The following MAGI1 variants were observed in gnomAD, a reference collection of about 807,000 sequenced individuals.
MAGI1 encodes membrane-associated guanylate kinase, WW and PDZ domain-containing protein 1.
MAGI1 carries 58 observed loss-of-function variants against 139.9 expected under a neutral mutation model. The observed-to-expected ratio is 0.41, with a 90% CI of 0.34 to 0.52. The LOEUF (loss-of-function observed/expected upper bound fraction) is 0.52. Among genes scored for constraint, MAGI1 ranks in the 20% least tolerant of loss-of-function variants. The pLI, the probability that MAGI1 is intolerant of heterozygous loss-of-function variation, is 0.12. For synonymous variants in MAGI1, 812 were observed against 737.9 expected (o/e 1.10, Z -1.63); for missense variants, 1,874 against 1,901.6 (o/e 0.99, Z 0.27).
rs577946212 is a variant in MAGI1 at position 65,504,380 on chromosome 3, C to T, written c.431-10749G>A. On this transcript the variant is annotated intron_variant, in intron 2 of 22. Coordinates refer to ENST00000402939, the MANE Select transcript of MAGI1 (RefSeq NM_001033057.2). ...TTTATATGCATTATCTCATTTAATC[C>T]TTGCAACAACACTATAAAGTAGTTA... Among the ~76,000 whole-genome samples, 4 of 152,262 alleles carry T rather than the reference C, an allele frequency of 2.6e-5. No individual in the cohort carries two copies. The East Asian group carries it at 7.7e-4, about 29-fold the overall frequency.
chr3:65,401,154 A>G (rs928364792), intron 13 of MAGI1, among the ~76,000 whole-genome samples: 2 of 152,128 alleles, frequency 1.3e-5, no homozygotes, highest in Non-Finnish European at 2.9e-5. Context: ...CATCCCTTTG[A>G]AGGAGAGTGT....
At chr3:65,735,781 A>G (rs1028054131) in intron 1 of MAGI1, among the ~76,000 whole-genome samples, 4 of 152,188 alleles carry the variant, frequency 2.6e-5, no homozygotes, top group African/African-American at 9.7e-5. Flanking sequence ...AACAAAAAAA[A>G]TTTGACTTGC....
At chr3:65,580,924 C>A (rs1393971997) in intron 2 of MAGI1, among the ~76,000 whole-genome samples, 1 of 152,120 alleles carries the variant, frequency 6.6e-6, no homozygotes, top group African/African-American at 2.4e-5. Context: ...AAACAATTAT[C>A]TTCCCCTTCA....
intron 2 of MAGI1, among the ~76,000 whole-genome samples, chr3:65,585,885 A>G (rs2081649120): frequency 6.6e-6 from 1 of 152,146 alleles, no homozygotes; most frequent in Non-Finnish European, 1.5e-5. Context: ...ATAATATGCA[A>G]CAATACAAAG....
intron 1 of MAGI1, among the ~76,000 whole-genome samples, chr3:65,989,206 T>C (rs1250607546): frequency 1.3e-5 from 2 of 152,222 alleles, no homozygotes; most frequent in Admixed American, 1.3e-4. Context: ...TAAGAGGATT[T>C]ATATAGAAAT....
chr3:65,956,008 G>T lies in MAGI1; in HGVS notation c.313+81988C>A, dbSNP rs61416883. 3.1e-3 allele frequency among the ~76,000 whole-genome samples: 465 copies of T among 152,184 alleles called. 1 individual carries two copies. Among genetic ancestry groups the T allele is most frequent in the African/African-American group, 0.011 (446 of 41,538 alleles). On this transcript the variant is annotated intron_variant, in intron 1 of 22. Coordinates refer to ENST00000402939, the MANE Select transcript of MAGI1 (RefSeq NM_001033057.2). ...AATCCAGGGCAGCCCTGGGCCGAAG[G>T]AGTGTTTATGGTTCTGCCCGGCCAT... is the stretch of plus-strand genomic sequence containing the variant.
intron 1 of MAGI1, among the ~76,000 whole-genome samples, chr3:65,682,463 A>G (rs1163764616): frequency 2.0e-5 from 3 of 152,214 alleles, no homozygotes; most frequent in Non-Finnish European, 2.9e-5. Context: ...TCAGCAAAGT[A>G]AGGATATAAT....
At chr3:65,942,663 T>C (rs1478621328) in intron 1 of MAGI1, among the ~76,000 whole-genome samples, 1 of 152,226 alleles carries the variant, frequency 6.6e-6, no homozygotes, top group Non-Finnish European at 1.5e-5. Flanking sequence ...TAAAGGCAGA[T>C]AATAGCACCT....
At chr3:65,885,147 C>T (rs2060481565) in intron 1 of MAGI1, among the ~76,000 whole-genome samples, 1 of 151,954 alleles carries the variant, frequency 6.6e-6, no homozygotes, top group African/African-American at 2.4e-5. Context: ...ATCTGTAATC[C>T]CAACAATTTG....
At chr3:66,031,878 ATCC>A (rs1374940995) in intron 1 of MAGI1, among the ~76,000 whole-genome samples, 1 of 152,170 alleles carries the variant, frequency 6.6e-6, no homozygotes, top group East Asian at 1.9e-4. Context: ...AACAAAAAAA[ATCC>A]TCATCATCCT....
chr3:65,631,579 CA>C (rs780634744), intron 1 of MAGI1, among the ~76,000 whole-genome samples: 8 of 147,812 alleles, frequency 5.4e-5, no homozygotes, highest in Non-Finnish European at 7.4e-5. Flanking sequence ...GATATTGAAA[CA>C]AAAAGCACAA....
At chr3:65,811,750 A>G (rs372705389) in intron 1 of MAGI1, among the ~76,000 whole-genome samples, 21 of 152,146 alleles carry the variant, frequency 1.4e-4, no homozygotes, top group East Asian at 5.8e-4. Context: ...ATAAACTTTC[A>G]GGTCCATTCC....
chr3:65,722,971 T>TAAA lies in MAGI1; in HGVS notation c.314-100886_314-100884dup, dbSNP rs151181033. Among the ~76,000 whole-genome samples the TAAA allele has an allele frequency of 4.1e-3, 556 of 135,130 alleles. 5 individuals carry two copies. The highest frequency in any genetic ancestry group is 0.014 in the African/African-American group (508 of 37,308). The allele number at this position is 135,130 out of a possible 152,430, so 88.7% of individuals were successfully genotyped here. A position where few individuals can be genotyped will look rare whatever the true frequency, so the allele number is the denominator to read the frequency against. ...TACAAGATGTAGATATCTGTTGTAGTAAAAAAAAAAAAAAGTCACAAATGA... is the reference window on the plus strand; with the variant it reads ...TACAAGATGTAGATATCTGTTGTAGTAAAAAAAAAAAAAAAAAGTCACAAATGA... On this transcript the variant is annotated intron_variant, in intron 1 of 22. Transcript: ENST00000402939.
chr3:65,806,116 T>G (rs1323672358), intron 1 of MAGI1, among the ~76,000 whole-genome samples: 1 of 152,262 alleles, frequency 6.6e-6, no homozygotes, highest in South Asian at 2.1e-4. Context: ...AGAAATTTTT[T>G]AAAAATTAAA....
At chr3:65,398,195 T>C (rs965285716) in intron 13 of MAGI1, among the ~76,000 whole-genome samples, 1 of 152,122 alleles carries the variant, frequency 6.6e-6, no homozygotes, top group African/African-American at 2.4e-5. Flanking sequence ...AAGATGAATA[T>C]GTAGGTGGAG....
chr3:65,627,446 G>A (rs911227247), intron 1 of MAGI1, among the ~76,000 whole-genome samples: 34 of 137,046 alleles, frequency 2.5e-4, no homozygotes, highest in Admixed American at 1.3e-3. Context: ...ATGGGGCTTA[G>A]ATGCTCTCTT....
intron 1 of MAGI1, among the ~76,000 whole-genome samples, chr3:65,992,851 G>T (rs899061477): frequency 6.6e-6 from 1 of 151,982 alleles, no homozygotes; most frequent in African/African-American, 2.4e-5. Flanking sequence ...GTTATTGTAG[G>T]GTTTCACTCT....
At chr3:65,696,053 C>T (rs1036546317) in intron 1 of MAGI1, among the ~76,000 whole-genome samples, 1 of 152,194 alleles carries the variant, frequency 6.6e-6, no homozygotes, top group Non-Finnish European at 1.5e-5. Flanking sequence ...TGGCCAGTCA[C>T]CGTCCATCTC....
intron 1 of MAGI1, among the ~76,000 whole-genome samples, chr3:65,699,987 C>T (rs908685464): frequency 1.3e-5 from 2 of 151,922 alleles, no homozygotes; most frequent in African/African-American, 4.8e-5. Flanking sequence ...GAAATCTGTA[C>T]TTTCACAAAC....
Sources: gnomAD v4.1 joint callset for allele counts (sites outside exome capture counted in the v4.1 genomes callset) on GRCh38, gnomAD v4.1.1 for gene constraint, MANE v1.5 for transcripts, NCBI Gene and HGNC (gene_info 2026-07-23, HGNC 2026-07-21) for gene names.